Variants in ZCWPW1 observed in about 807,000 individuals in gnomAD.
ZCWPW1 encodes zinc finger CW-type and PWWP domain containing 1, also known as zinc finger CW-type PWWP domain protein 1.
Under a neutral mutation model 81.3 loss-of-function variants are expected in ZCWPW1, and 56 were observed. The observed-to-expected ratio is 0.69, with a 90% CI of 0.56 to 0.86. The LOEUF (loss-of-function observed/expected upper bound fraction) is 0.86. Among genes scored for constraint, ZCWPW1 ranks in the 40% least tolerant of loss-of-function variants. The pLI is 0.00. For synonymous variants in ZCWPW1, 250 were observed against 273.7 expected (o/e 0.91, Z 0.86); for missense variants, 650 against 769.8 (o/e 0.84, Z 1.84).
chr7:100,423,949 A>G (rs534189357), intron 2 of ZCWPW1, among the ~76,000 whole-genome samples: 1 of 151,994 alleles, frequency 6.6e-6, no homozygotes, highest in Admixed American at 6.6e-5. Flanking sequence ...GGGCGCCTGT[A>G]ATCCCAGCTA....
chr7:100,408,557 T>C lies in ZCWPW1; in HGVS notation c.974A>G (p.Lys325Arg). 1 of 1,613,974 alleles carries C rather than the reference T, an allele frequency of 6.2e-7. No individual in the cohort carries two copies. The highest frequency in any genetic ancestry group is 8.5e-7 in the Non-Finnish European group (1 of 1,179,912). Residue 325 changes from lysine (K) to arginine (R), a missense_variant, in exon 10 of 18, where the codon AAG (lysine) becomes AGG (arginine). By Grantham distance (26) the Lys-to-Arg change is conservative. Transcript: ENST00000684423. Reference protein sequence around the residue: ...SYIPGSIIWAKQYGYPWWPGM... With the variant: ...SYIPGSIIWARQYGYPWWPGM... ...GCCCTACCAGGGGTAACCGTATTGCTTGGCCCAGATGATGGATCCTGGGAT... is the reference window on the plus strand; with the variant it reads ...GCCCTACCAGGGGTAACCGTATTGCCTGGCCCAGATGATGGATCCTGGGAT...
Position 100,420,631 on chromosome 7 carries a change from T to C in ZCWPW1, c.19A>G (p.Asn7Asp). MMTTLQ[N>D]KEECGKGPKR... is the part of the protein sequence containing the mutation. ...CTCACTCTTGACTCACCTTCTTTAT[T>C]CTGCAACGTTGTCATCATTCAGCTT... The change falls in exon 3 of 18, where the codon AAT becomes GAT. Residue 7 changes from asparagine to aspartate, a missense_variant. By Grantham distance (23) the Asn-to-Asp change is conservative. Transcript: ENST00000684423. 1 of 1,614,148 alleles carries C rather than the reference T, an allele frequency of 6.2e-7. No individual in the cohort carries two copies. The highest frequency in any genetic ancestry group is 8.5e-7 in the Non-Finnish European group (1 of 1,180,044).
chr7:100,406,603 C>T, intron 12 of ZCWPW1, 91 bp downstream of exon 12: 2 of 1,229,182 alleles, frequency 1.6e-6, no homozygotes, highest in African/African-American at 1.5e-5. Flanking sequence ...GAACTTTCTC[C>T]CGACATGGCT....
rs779502178 is a variant in ZCWPW1, at chr7:100,402,574, G to A, written c.1416C>T (p.Asp472=). 1.2e-5 allele frequency: 20 copies of A among 1,614,074 alleles called. No homozygotes were observed. In the Admixed American group the frequency reaches 3.3e-4, roughly 27 times the overall value. The change falls in exon 16 of 18, where the codon GAC becomes GAT. Residue 472 remains aspartate (D), a splice_region_variant and synonymous_variant. Coordinates refer to ENST00000684423, the MANE Select transcript of ZCWPW1 (RefSeq NM_001386010.1). ...ELEKEEGEKT[D]PILPIRKRVK... ...CTCGCTTACGAATGGGCAAAATTGG[G>A]TCCTGAGGATGGGAGAGAAAGTTTA...
chr7:100,415,471 G>A (rs777284613), intron 8 of ZCWPW1, among the ~76,000 whole-genome samples: 1 of 152,092 alleles, frequency 6.6e-6, no homozygotes, highest in Non-Finnish European at 1.5e-5. Context: ...GCTATAAGCT[G>A]CCATTCACGC....
chr7:100,412,612 C>T (rs1318279893), intron 8 of ZCWPW1, among the ~76,000 whole-genome samples: 1 of 152,106 alleles, frequency 6.6e-6, no homozygotes, highest in East Asian at 1.9e-4. Context: ...GACGGAGTCT[C>T]GCTCTGTCGC....
chr7:100,428,223 T>G (rs533308991), intron 1 of ZCWPW1, among the ~76,000 whole-genome samples: 20 of 152,078 alleles, frequency 1.3e-4, no homozygotes, highest in African/African-American at 4.6e-4. Context: ...CGCAAGCCCC[T>G]CACACCTCAA....
At chr7:100,423,193 C>A (rs1796651801) in intron 2 of ZCWPW1, among the ~76,000 whole-genome samples, 1 of 152,158 alleles carries the variant, frequency 6.6e-6, no homozygotes, top group African/African-American at 2.4e-5. Flanking sequence ...TATTGTTGAG[C>A]TTAGATGAAC....
chr7:100,404,868 G>A (rs776288120), intron 13 of ZCWPW1, 145 bp downstream of exon 13: 14 of 681,792 alleles, frequency 2.1e-5, no homozygotes, highest in Non-Finnish European at 2.8e-5. Flanking sequence ...AGAAAAGAGA[G>A]GTTAGGGCAC....
intron 10 of ZCWPW1, among the ~76,000 whole-genome samples, chr7:100,408,078 G>A (rs10235999): frequency 6.2e-4 from 95 of 152,284 alleles, no homozygotes; most frequent in African/African-American, 2.1e-3. Context: ...AGCGTCCTGA[G>A]TAGCTGGGAC....
At chr7:100,418,091 G>T (rs1038974385) in intron 5 of ZCWPW1, among the ~76,000 whole-genome samples, 4 of 152,082 alleles carry the variant, frequency 2.6e-5, no homozygotes, top group Admixed American at 1.3e-4. Context: ...CACCATGTTG[G>T]GCAGGCTGGT....
rs1457834121 is a variant in ZCWPW1, at chr7:100,428,613, C to T, written c.-182G>A. The T allele has an allele frequency of 6.6e-6, 1 of 152,470 alleles. No individual in the cohort carries two copies. The highest frequency in any genetic ancestry group is 2.4e-5 in the African/African-American group (1 of 41,478). The allele number at this position is 152,470 out of a possible 1,614,324, so 9.4% of individuals were successfully genotyped here. On this transcript the variant is annotated 5_prime_UTR_variant, in exon 1 of 18. Transcript: ENST00000684423. ...CTGGACCCCACTGTCACCCCTGCCG[C>T]CCTGTCCTCGGCCCAGCACTCCGCT...
chr7:100,422,444 T>A (rs1055098428), intron 2 of ZCWPW1, among the ~76,000 whole-genome samples: 4 of 152,250 alleles, frequency 2.6e-5, no homozygotes, highest in Non-Finnish European at 5.9e-5. Flanking sequence ...GAAATTAGTA[T>A]CTACACAGCT....
At chr7:100,417,258 C>A in intron 5 of ZCWPW1, 75 bp from the exon 6 acceptor site, 1 of 1,139,270 alleles carries the variant, frequency 8.8e-7, no homozygotes, top group East Asian at 2.5e-5. Flanking sequence ...AACATTTTCT[C>A]TAAAGTGTCT....
chr7:100,404,114 G>T, intron 14 of ZCWPW1, 64 bp downstream of exon 14: 1 of 1,528,770 alleles, frequency 6.5e-7, no homozygotes, highest in Non-Finnish European at 9.0e-7. Flanking sequence ...AAAAACATGG[G>T]TTGCTGCCCT....
chr7:100,426,692 TTCC>T lies in ZCWPW1; in HGVS notation c.-136-1559_-136-1557del, dbSNP rs961603964. Among the ~76,000 whole-genome samples the T allele has an allele frequency of 1.6e-4, 22 of 134,086 alleles. 1 individual carries two copies. Among genetic ancestry groups the T allele is most frequent in the African/African-American group, 5.6e-4 (20 of 35,582 alleles). 88.0% of individuals were successfully genotyped at this position (134,086 alleles called of 152,430 possible). A position where few individuals can be genotyped will look rare whatever the true frequency, so the allele number is the denominator to read the frequency against. On this transcript the variant is annotated intron_variant, in intron 1 of 17. Coordinates refer to ENST00000684423, the MANE Select transcript of ZCWPW1 (RefSeq NM_001386010.1). ...CCTTCCTCCCTCTTCCCTCCCTCTC[TTCC>T]TTCTTCCCTCCTTCTGTCTCCCTTT...
intron 2 of ZCWPW1, among the ~76,000 whole-genome samples, chr7:100,423,632 A>C (rs1053577710): frequency 6.6e-6 from 1 of 152,158 alleles, no homozygotes; most frequent in Admixed American, 6.6e-5. Flanking sequence ...TAAGGGGCAC[A>C]TTTTCTTGCT....
At chr7:100,411,599 TG>T (rs34771058) in intron 8 of ZCWPW1, among the ~76,000 whole-genome samples, 21,753 of 152,146 alleles carry the variant, frequency 0.14, 1,913 homozygotes, top group Non-Finnish European at 0.19. Context: ...AACAAAGTAC[TG>T]GTTGGGACTA....
rs1168574311 is a variant in ZCWPW1, at chr7:100,400,991, A to G, written c.*23T>C. 6.3e-7 allele frequency: 1 copy of G among 1,575,194 alleles called. No homozygotes were observed. The highest frequency in any genetic ancestry group is 2.3e-5 in the East Asian group (1 of 44,364). Reference sequence around the variant, plus strand: ...TCCTGCGCCCCAGAGAAGGGAGAAAAAGAGGGAGCAGAGGAGCACCAGCTA... The same window carrying G: ...TCCTGCGCCCCAGAGAAGGGAGAAAGAGAGGGAGCAGAGGAGCACCAGCTA... On this transcript the variant is annotated 3_prime_UTR_variant, in exon 18 of 18. Coordinates refer to ENST00000684423, the MANE Select transcript of ZCWPW1 (RefSeq NM_001386010.1).
Sources: allele counts gnomAD v4.1 joint callset (sites outside exome capture counted in the v4.1 genomes callset), GRCh38; gene constraint gnomAD v4.1.1; transcripts MANE v1.5; gene names NCBI Gene and HGNC (gene_info 2026-07-23, HGNC 2026-07-21).